Variants in ZFYVE9 observed in about 807,000 individuals in gnomAD.
ZFYVE9 encodes zinc finger FYVE domain-containing protein 9.
ZFYVE9 carries 43 observed loss-of-function variants against 126.7 expected under a neutral mutation model. That is an observed-to-expected ratio of 0.34 (90% CI 0.27 to 0.44). The LOEUF (loss-of-function observed/expected upper bound fraction) is 0.44, where lower values mean the gene tolerates loss of function less well. Ranked by LOEUF, ZFYVE9 falls within the 20% of genes least tolerant of loss-of-function variation. The probability of loss-of-function intolerance (pLI) is 1.00; values close to 1 mark genes in which losing one functional copy is unlikely to be tolerated. For synonymous variants in ZFYVE9, 521 were observed against 597.4 expected (o/e 0.87, Z 1.87); for missense variants, 1,476 against 1,697.0 (o/e 0.87, Z 2.29).
chr1:52,206,746 C>T (rs532969495), intron 1 of ZFYVE9, among the ~76,000 whole-genome samples: 3 of 152,234 alleles, frequency 2.0e-5, no homozygotes, highest in South Asian at 2.1e-4. Context: ...GACGGGGTTT[C>T]GCCATGTTGG....
chr1:52,258,453 C>G (rs1645544025), intron 4 of ZFYVE9, among the ~76,000 whole-genome samples: 1 of 141,224 alleles, frequency 7.1e-6, no homozygotes, highest in Admixed American at 7.0e-5. Context: ...CATACCAAGA[C>G]TGCTAAACAT....
At chr1:52,286,295 C>T (rs1211645866) in intron 10 of ZFYVE9, among the ~76,000 whole-genome samples, 2 of 152,106 alleles carry the variant, frequency 1.3e-5, no homozygotes, top group Non-Finnish European at 1.5e-5. Context: ...GGTTATTCTG[C>T]CCTAAATCAC....
intron 1 of ZFYVE9, among the ~76,000 whole-genome samples, chr1:52,164,206 A>G (rs1238970990): frequency 2.0e-5 from 3 of 149,998 alleles, no homozygotes; most frequent in East Asian, 2.0e-4. Context: ...CAATGAGTAT[A>G]TATCTTTTTT....
chr1:52,340,102 A>G lies in ZFYVE9; in HGVS notation c.3834-24A>G, dbSNP rs201318344. On this transcript the variant is annotated intron_variant, in intron 16 of 18. Transcript: ENST00000287727. The stretch of plus-strand genomic sequence containing the variant: ...TTTTCTAACTTCAAGAGCTGCTTCT[A>G]TCTTTCCTTTGCCTCTATTTTAGTG... 11 of 1,590,326 alleles carry G rather than the reference A, an allele frequency of 6.9e-6. No homozygotes were observed. In the Middle Eastern group the frequency reaches 5.0e-4, roughly 72 times the overall value.
At chr1:52,281,905 A>T in intron 10 of ZFYVE9, 89 bp downstream of exon 10, 1 of 1,470,210 alleles carries the variant, frequency 6.8e-7, no homozygotes, top group Non-Finnish European at 9.4e-7. Flanking sequence ...TTAACTTTGG[A>T]CTTAAGCATG....
chr1:52,271,343 A>T (rs1031967426), intron 7 of ZFYVE9, among the ~76,000 whole-genome samples: 5 of 152,180 alleles, frequency 3.3e-5, no homozygotes, highest in African/African-American at 1.2e-4. Flanking sequence ...CAGACTAGAA[A>T]ATATTAATAT....
At chr1:52,334,518 G>C (rs1457109103) in intron 14 of ZFYVE9, among the ~76,000 whole-genome samples, 170 bp from the exon 15 acceptor site, 1 of 152,154 alleles carries the variant, frequency 6.6e-6, no homozygotes, top group Non-Finnish European at 1.5e-5. Flanking sequence ...CAAAGCTGTT[G>C]TAAGCATCAG....
rs992961244 is a variant in ZFYVE9 at position 52,249,460 on chromosome 1, T to G, written c.2178+9865T>G. On this transcript the variant is annotated intron_variant, in intron 4 of 18. Transcript: ENST00000287727. ...TTAAAAATCTTTGGAGAAATGTCTA[T>G]TCAGGTCTTTTGCCCATTTTTAAAT... is the stretch of plus-strand genomic sequence containing the variant. Among the ~76,000 whole-genome samples, 4 of 152,212 alleles carry G rather than the reference T, an allele frequency of 2.6e-5. No individual in the cohort carries two copies. The South Asian group carries it at 6.2e-4, about 24-fold the overall frequency.
intron 11 of ZFYVE9, among the ~76,000 whole-genome samples, chr1:52,294,817 A>G (rs1276046250): frequency 3.3e-5 from 5 of 152,224 alleles, no homozygotes; most frequent in Non-Finnish European, 5.9e-5. Flanking sequence ...GTATCTTCCT[A>G]TTTTATACAG....
intron 1 of ZFYVE9, among the ~76,000 whole-genome samples, chr1:52,152,247 C>G (rs1171520969): frequency 6.6e-6 from 1 of 152,210 alleles, no homozygotes; most frequent in Non-Finnish European, 1.5e-5. Context: ...GCCTCAGCCT[C>G]CTAAAGTACT....
At chr1:52,341,952 C>G (rs976112862) in intron 17 of ZFYVE9, among the ~76,000 whole-genome samples, 1 of 152,214 alleles carries the variant, frequency 6.6e-6, no homozygotes, top group African/African-American at 2.4e-5. Flanking sequence ...CTGTTCCCTC[C>G]TTTTTGCTCC....
intron 2 of ZFYVE9, among the ~76,000 whole-genome samples, chr1:52,228,273 T>G (rs1337517956): frequency 6.6e-6 from 1 of 152,002 alleles, no homozygotes; most frequent in Non-Finnish European, 1.5e-5. Flanking sequence ...AGATACGGAG[T>G]CTCACTATGT....
At chr1:52,299,231 C>A (rs540712531) in intron 12 of ZFYVE9, among the ~76,000 whole-genome samples, 1 of 151,962 alleles carries the variant, frequency 6.6e-6, no homozygotes, top group Non-Finnish European at 1.5e-5. Flanking sequence ...TTTTTATTAG[C>A]GTATAGAAAC....
intron 1 of ZFYVE9, among the ~76,000 whole-genome samples, chr1:52,163,744 C>T (rs185444996): frequency 5.3e-5 from 8 of 151,848 alleles, no homozygotes; most frequent in South Asian, 4.2e-4. Flanking sequence ...CCCAGGACTT[C>T]GGGAGGATCA....
intron 9 of ZFYVE9, 151 bp from the exon 10 acceptor site, chr1:52,281,510 A>G (rs1330348470): frequency 1.2e-6 from 1 of 846,966 alleles, no homozygotes; most frequent in Non-Finnish European, 1.7e-6. Context: ...TTTTTGGCTC[A>G]ATGCAGTGAC....
At chr1:52,318,412 G>GTGTGTA (rs1297438820) in intron 13 of ZFYVE9, among the ~76,000 whole-genome samples, 1 of 140,128 alleles carries the variant, frequency 7.1e-6, no homozygotes, top group African/African-American at 2.7e-5. Flanking sequence ...GTGTGTGTGT[G>GTGTGTA]TGTATCTTGG....
intron 2 of ZFYVE9, among the ~76,000 whole-genome samples, chr1:52,218,314 G>C (rs1355601954): frequency 2.0e-5 from 3 of 152,142 alleles, no homozygotes; most frequent in Non-Finnish European, 2.9e-5. Flanking sequence ...CTGACTGATT[G>C]GTTATCTCTT....
At position 52,219,475 on chromosome 1, in the gene ZFYVE9, G is replaced by C. The variant is rs116741906; in HGVS notation, c.-37+3001G>C. Among the ~76,000 whole-genome samples the C allele has an allele frequency of 5.3e-3, 801 of 152,028 alleles. 10 individuals are homozygous for C. Among genetic ancestry groups the C allele is most frequent in the African/African-American group, 0.019 (776 of 41,444 alleles). Reference sequence around the variant, plus strand: ...GCTGTCTCAGTGGTTAGGAGTATTAGATAAGGAGTATTAGATAAGGTCCTT... The same window carrying C: ...GCTGTCTCAGTGGTTAGGAGTATTACATAAGGAGTATTAGATAAGGTCCTT... On this transcript the variant is annotated intron_variant, in intron 2 of 18. Transcript: ENST00000287727.
At chr1:52,245,846 A>G (rs936007566) in intron 4 of ZFYVE9, among the ~76,000 whole-genome samples, 3 of 152,228 alleles carry the variant, frequency 2.0e-5, no homozygotes, top group Admixed American at 2.0e-4. Context: ...TTGAGAGAAT[A>G]AAACAAATAG....
Sources: gnomAD v4.1 joint callset for allele counts (sites outside exome capture counted in the v4.1 genomes callset) on GRCh38, gnomAD v4.1.1 for gene constraint, MANE v1.5 for transcripts, NCBI Gene and HGNC (gene_info 2026-07-23, HGNC 2026-07-21) for gene names.